GLI2: variants seen among roughly 807,000 people sequenced by gnomAD.
GLI2 encodes transcription activator GLI2.
A neutral mutation model predicts 78.9 loss-of-function variants in GLI2; 22 were observed. The ratio of observed to expected loss-of-function variants is 0.28; its 90% confidence interval spans 0.20 to 0.40. The LOEUF is 0.40. Ranked by LOEUF, GLI2 falls within the 10% of genes least tolerant of loss-of-function variation. The pLI is 1.00. For missense variants in GLI2, 2,097 were observed against 2,213.2 expected, an observed-to-expected ratio of 0.95 and a Z score of 1.05; for synonymous variants, 974 against 963.7, an observed-to-expected ratio of 1.01 and a Z score of -0.20.
At chr2:120,864,588 C>G (rs1372270950) in intron 2 of GLI2, among the ~76,000 whole-genome samples, 1 of 152,244 alleles carries the variant, frequency 6.6e-6, no homozygotes, top group Non-Finnish European at 1.5e-5. Flanking sequence ...TCTCCTGCCT[C>G]AGCCTCCCAA....
At chr2:120,817,813 G>A (rs1215536242) in intron 2 of GLI2, among the ~76,000 whole-genome samples, 1 of 152,080 alleles carries the variant, frequency 6.6e-6, no homozygotes. Flanking sequence ...ACTCCTTTGC[G>A]GGCGTAGCGT....
In GLI2 at chr2:120,736,278, C is replaced by G. The variant is rs895162584; in HGVS notation, c.-38C>G. On this transcript the variant is annotated 5_prime_UTR_variant, in exon 1 of 14. Coordinates refer to ENST00000361492, the MANE Select transcript of GLI2 (RefSeq NM_001374353.1). ...CTGCGTGCTAGAGGCAAACTTTTGT[C>G]TCTCTCGGTAAAGTTGCATTGGCCT... The G allele has an allele frequency of 6.6e-6, 1 of 152,070 alleles. No homozygotes were observed. Among genetic ancestry groups the G allele is most frequent in the Non-Finnish European group, 1.5e-5 (1 of 68,018 alleles). The allele number at this position is 152,070 out of a possible 1,614,324, so 9.4% of individuals were successfully genotyped here. A position where few individuals can be genotyped will look rare whatever the true frequency, so the allele number is the denominator to read the frequency against.
At chr2:120,970,665 G>A (rs1682105100) in intron 7 of GLI2, 59 bp downstream of exon 7, 1 of 1,358,698 alleles carries the variant, frequency 7.4e-7, no homozygotes, top group African/African-American at 1.4e-5. Context: ...CATGAGGGTT[G>A]TTCACTGCCA....
chr2:120,910,087 C>T (rs1327565224), intron 2 of GLI2, among the ~76,000 whole-genome samples: 2 of 152,204 alleles, frequency 1.3e-5, no homozygotes. Flanking sequence ...TGGGTCCCCT[C>T]CGTTTTCCTG....
At chr2:120,743,270 C>A (rs1234872207) in intron 1 of GLI2, among the ~76,000 whole-genome samples, 2 of 152,178 alleles carry the variant, frequency 1.3e-5, no homozygotes, top group Non-Finnish European at 2.9e-5. Flanking sequence ...GTAAAGGGCT[C>A]TGATGTGCCG....
At chr2:120,846,012 G>A (rs1432487686) in intron 2 of GLI2, among the ~76,000 whole-genome samples, 1 of 152,166 alleles carries the variant, frequency 6.6e-6, no homozygotes, top group Non-Finnish European at 1.5e-5. Context: ...TCTGTAACTG[G>A]ACATCACTGG....
At chr2:120,845,659 A>C (rs1036639201) in intron 2 of GLI2, among the ~76,000 whole-genome samples, 5 of 152,226 alleles carry the variant, frequency 3.3e-5, no homozygotes, top group African/African-American at 1.2e-4. Context: ...GACTTGGCTC[A>C]TTCTACCACT....
intron 3 of GLI2, among the ~76,000 whole-genome samples, chr2:120,941,317 A>T (rs1265717158): frequency 6.6e-6 from 1 of 152,238 alleles, no homozygotes; most frequent in African/African-American, 2.4e-5. Context: ...GAACTTTTTA[A>T]AACAAATGTA....
At chr2:120,959,727 T>C (rs1239264594) in intron 5 of GLI2, among the ~76,000 whole-genome samples, 2 of 151,984 alleles carry the variant, frequency 1.3e-5, no homozygotes, top group Non-Finnish European at 2.9e-5. Context: ...GTGTTTTCGG[T>C]GGGTGCCTGC....
chr2:120,755,992 C>T (rs1430777723), intron 1 of GLI2, among the ~76,000 whole-genome samples: 2 of 152,092 alleles, frequency 1.3e-5, no homozygotes, highest in Non-Finnish European at 2.9e-5. Context: ...TATAACAAGT[C>T]TTGAAGTCAG....
chr2:120,900,668 G>GT (rs1438989525), intron 2 of GLI2, among the ~76,000 whole-genome samples: 4 of 152,212 alleles, frequency 2.6e-5, no homozygotes, highest in South Asian at 2.1e-4. Flanking sequence ...ATTATTTGCT[G>GT]TCTTCTTCTG....
At chr2:120,738,866 C>G (rs372073575) in intron 1 of GLI2, among the ~76,000 whole-genome samples, 28 of 152,314 alleles carry the variant, frequency 1.8e-4, no homozygotes, top group African/African-American at 6.5e-4. Context: ...GAAGGGGACT[C>G]TTGACTCGTG....
chr2:120,755,621 T>G (rs776504), intron 1 of GLI2, among the ~76,000 whole-genome samples: 104,473 of 152,004 alleles, frequency 0.69, 37,520 homozygotes, highest in African/African-American at 0.91. Flanking sequence ...TTCTTGTATA[T>G]ATCATGCATT....
At chr2:120,823,850 G>T (rs1322957977) in intron 2 of GLI2, among the ~76,000 whole-genome samples, 1 of 152,204 alleles carries the variant, frequency 6.6e-6, no homozygotes, top group Non-Finnish European at 1.5e-5. Context: ...CAGGCCAAGG[G>T]AGGGGTTTCC....
At chr2:120,894,966 G>T (rs1211614007) in intron 2 of GLI2, among the ~76,000 whole-genome samples, 4 of 152,188 alleles carry the variant, frequency 2.6e-5, no homozygotes. Flanking sequence ...CAAAGTTCTG[G>T]GATTACAGGC....
chr2:120,878,017 A>G (rs771108721), intron 2 of GLI2, among the ~76,000 whole-genome samples: 1 of 152,234 alleles, frequency 6.6e-6, no homozygotes, highest in African/African-American at 2.4e-5. Context: ...ATTTTCTCGA[A>G]CATTCTTTTA....
intron 2 of GLI2, among the ~76,000 whole-genome samples, chr2:120,808,904 G>A (rs1356670033): frequency 1.3e-5 from 2 of 152,170 alleles, no homozygotes; most frequent in East Asian, 3.8e-4. Flanking sequence ...CTCGGGCACT[G>A]TGGAGCTTCC....
At chr2:120,941,706 G>A (rs1488462042) in intron 3 of GLI2, among the ~76,000 whole-genome samples, 2 of 152,222 alleles carry the variant, frequency 1.3e-5, no homozygotes, top group African/African-American at 4.8e-5. Flanking sequence ...ACAGCAAAAA[G>A]GTCCCAGTGT....
At chr2:120,931,593 G>A (rs1319256533) in intron 3 of GLI2, among the ~76,000 whole-genome samples, 3 of 152,228 alleles carry the variant, frequency 2.0e-5, no homozygotes, top group African/African-American at 4.8e-5. Flanking sequence ...GTAGAATACA[G>A]TAAATCATAT....
Sources: gnomAD v4.1 joint callset for allele counts (sites outside exome capture counted in the v4.1 genomes callset) on GRCh38, gnomAD v4.1.1 for gene constraint, MANE v1.5 for transcripts, NCBI Gene and HGNC (gene_info 2026-07-23, HGNC 2026-07-21) for gene names.